The following SLC35F2 variants were observed in gnomAD, a reference collection of about 807,000 sequenced individuals.
SLC35F2 encodes queuine/queuosine transporter SLC35F2.
A neutral mutation model predicts 38.1 loss-of-function variants in SLC35F2; 25 were observed. The ratio of observed to expected loss-of-function variants is 0.66; its 90% confidence interval spans 0.48 to 0.92. SLC35F2 has a LOEUF of 0.92. Among genes scored for constraint, SLC35F2 ranks in the 40% least tolerant of loss-of-function variants. The pLI is 0.00. For missense variants in SLC35F2, 409 were observed against 452.9 expected, an observed-to-expected ratio of 0.90 and a Z score of 0.88; for synonymous variants, 173 against 181.7, an observed-to-expected ratio of 0.95 and a Z score of 0.38.
chr11:107,811,642 A>C (rs756733240), intron 3 of SLC35F2, 25 bp downstream of exon 3: 17 of 1,575,232 alleles, frequency 1.1e-5, no homozygotes, highest in East Asian at 2.3e-5. Flanking sequence ...ATAAAATCCA[A>C]AGTGGTCAGA....
intron 3 of SLC35F2, among the ~76,000 whole-genome samples, chr11:107,808,605 C>A (rs1167980895): frequency 6.6e-6 from 1 of 152,164 alleles, no homozygotes. Flanking sequence ...TCTCCAACAG[C>A]CCATTCGATC....
chr11:107,851,411 G>A (rs1591212040), intron 1 of SLC35F2, among the ~76,000 whole-genome samples: 1 of 150,696 alleles, frequency 6.6e-6, no homozygotes, highest in South Asian at 2.1e-4. Context: ...TGCAGTGACT[G>A]GAGATTGCGC....
At chr11:107,807,700 A>T (rs1859420271) in intron 3 of SLC35F2, among the ~76,000 whole-genome samples, 1 of 151,950 alleles carries the variant, frequency 6.6e-6, no homozygotes, top group African/African-American at 2.4e-5. Flanking sequence ...CAGCCTCCCA[A>T]GGAGCTGGGA....
chr11:107,823,884 A>T, intron 1 of SLC35F2: 2 of 609,002 alleles, frequency 3.3e-6, no homozygotes, highest in Non-Finnish European at 4.1e-6. Flanking sequence ...AGCCAAGATC[A>T]TGCCACTTCA....
rs11212407 is a variant in SLC35F2 at position 107,841,550 on chromosome 11, C to T, written c.110+17108G>A. Among the ~76,000 whole-genome samples, 314 of 79,070 alleles carry T rather than the reference C, an allele frequency of 4.0e-3. 2 individuals carry two copies. The highest frequency in any genetic ancestry group is 0.015 in the African/African-American group (291 of 19,012). The allele number at this position is 79,070 out of a possible 152,430, so 51.9% of individuals were successfully genotyped here. ...TGCACTCCAGCCTAGACGAAAGAGA[C>T]TCCAACTCAAAAAAAAAAAAAAAAA... On this transcript the variant is annotated intron_variant, in intron 1 of 7. Coordinates refer to ENST00000525815, the MANE Select transcript of SLC35F2 (RefSeq NM_017515.5).
intron 7 of SLC35F2, among the ~76,000 whole-genome samples, chr11:107,796,592 G>A (rs1859220231): frequency 1.3e-5 from 2 of 152,188 alleles, no homozygotes; most frequent in South Asian, 4.1e-4. Context: ...TGTGGAGGTA[G>A]AGCATAGAAT....
chr11:107,856,722 C>A (rs116127987), intron 1 of SLC35F2, among the ~76,000 whole-genome samples: 2,651 of 140,546 alleles, frequency 0.019, 79 homozygotes, highest in African/African-American at 0.065. Context: ...AATGAGACTC[C>A]GTCAGGAGGG....
chr11:107,795,962 C>T (rs1859210826), intron 7 of SLC35F2, among the ~76,000 whole-genome samples: 2 of 152,106 alleles, frequency 1.3e-5, no homozygotes, highest in Non-Finnish European at 2.9e-5. Flanking sequence ...GGTGAAACCT[C>T]ATCTCTACTA....
intron 2 of SLC35F2, 114 bp from the exon 3 acceptor site, chr11:107,811,908 C>A (rs992010277): frequency 1.9e-6 from 2 of 1,043,932 alleles, no homozygotes. Flanking sequence ...CTTTTTTCTT[C>A]TTCTTCTTTT....
chr11:107,855,172 A>G (rs1469685375), intron 1 of SLC35F2, among the ~76,000 whole-genome samples: 1 of 152,204 alleles, frequency 6.6e-6, no homozygotes, highest in Non-Finnish European at 1.5e-5. Flanking sequence ...AGCCAACCAA[A>G]CAAGAAGCTC....
chr11:107,824,527 T>C (rs1859723944), intron 1 of SLC35F2, among the ~76,000 whole-genome samples: 1 of 152,240 alleles, frequency 6.6e-6, no homozygotes, highest in Admixed American at 6.5e-5. Flanking sequence ...TGGAAAAGGC[T>C]AGTAGAGAGT....
intron 1 of SLC35F2, among the ~76,000 whole-genome samples, chr11:107,821,092 A>G (rs975382845): frequency 6.6e-5 from 10 of 152,204 alleles, no homozygotes; most frequent in African/African-American, 2.2e-4. Flanking sequence ...TTGGATGTCC[A>G]AAGTACCAGG....
At chr11:107,854,698 C>G (rs137957013) in intron 1 of SLC35F2, among the ~76,000 whole-genome samples, 130 of 152,230 alleles carry the variant, frequency 8.5e-4, no homozygotes, top group African/African-American at 3.1e-3. Context: ...CCTATGGGGG[C>G]AGGTATATTA....
Position 107,847,506 on chromosome 11 carries a change from A to G in SLC35F2, c.110+11152T>C, listed in dbSNP as rs181412913. On this transcript the variant is annotated intron_variant, in intron 1 of 7. Coordinates refer to ENST00000525815, the MANE Select transcript of SLC35F2 (RefSeq NM_017515.5). ...TTTTTATTTCAGTCTTAACTCATACATATCATGGGAGGAATTGCTACCATT... is the reference window on the plus strand; with the variant it reads ...TTTTTATTTCAGTCTTAACTCATACGTATCATGGGAGGAATTGCTACCATT... Among the ~76,000 whole-genome samples the G allele has an allele frequency of 1.8e-3, 269 of 152,288 alleles. 2 individuals carry two copies. The highest frequency in any genetic ancestry group is 6.0e-3 in the African/African-American group (251 of 41,572).
rs767509071 is a variant in SLC35F2, at chr11:107,803,154, G to A, written c.786C>T (p.Ala262=). 11 of 1,595,620 alleles carry A rather than the reference G, an allele frequency of 6.9e-6. No individual in the cohort carries two copies. The highest frequency in any genetic ancestry group is 6.8e-5 in the African/African-American group (5 of 73,834). The stretch of plus-strand genomic sequence containing the variant: ...ACAGGGCAAATGCCACGAACAGCAG[G>A]GCTGTGGAAAAAAACATGGAATATC... ...IASIHWDWKI[A]LLFVAFALCM... is the part of the protein sequence containing the mutation. Residue 262 remains alanine (A), a splice_region_variant and synonymous_variant, in exon 7 of 8, where the codon GCC becomes GCT. Transcript: ENST00000525815.
At chr11:107,834,605 G>A (rs1413917541) in intron 1 of SLC35F2, among the ~76,000 whole-genome samples, 3 of 152,146 alleles carry the variant, frequency 2.0e-5, no homozygotes, top group African/African-American at 4.8e-5. Context: ...AGCCGAGATC[G>A]CGCTATTGCA....
At chr11:107,811,988 G>A (rs1859489396) in intron 2 of SLC35F2, among the ~76,000 whole-genome samples, 194 bp from the exon 3 acceptor site, 1 of 151,902 alleles carries the variant, frequency 6.6e-6, no homozygotes, top group East Asian at 1.9e-4. Context: ...TGCAACCTCT[G>A]CCTCCTGGGT....
Position 107,811,642 on chromosome 11 carries a change from A to G in SLC35F2, c.414+25T>C, listed in dbSNP as rs756733240. On this transcript the variant is annotated intron_variant, in intron 3 of 7. Coordinates refer to ENST00000525815, the MANE Select transcript of SLC35F2 (RefSeq NM_017515.5). ...TCTTCTTTTGAAGCTATAAAATCCA[A>G]AGTGGTCAGAGGGCTCCCTCTTACC... 3 of 1,575,232 alleles carry G rather than the reference A, an allele frequency of 1.9e-6. No individual in the cohort carries two copies. The South Asian group carries it at 3.5e-5, about 18-fold the overall frequency.
intron 2 of SLC35F2, among the ~76,000 whole-genome samples, chr11:107,813,677 T>C (rs1396572577): frequency 6.6e-6 from 1 of 152,090 alleles, no homozygotes; most frequent in Non-Finnish European, 1.5e-5. Context: ...TTCTTTTTTT[T>C]CCTTTGGAGA....
Sources: allele counts gnomAD v4.1 joint callset (sites outside exome capture counted in the v4.1 genomes callset), GRCh38; gene constraint gnomAD v4.1.1; transcripts MANE v1.5; gene names NCBI Gene and HGNC (gene_info 2026-07-23, HGNC 2026-07-21).